Variants in RBM6 observed in about 807,000 individuals in gnomAD.
RBM6 encodes RNA-binding protein 6.
Under a neutral mutation model 140.4 loss-of-function variants are expected in RBM6, and 23 were observed. The ratio of observed to expected loss-of-function variants is 0.16; its 90% confidence interval spans 0.12 to 0.23. The LOEUF (loss-of-function observed/expected upper bound fraction) is 0.23. RBM6 is among the 10% of genes least tolerant of loss of function. The pLI, the probability that RBM6 is intolerant of heterozygous loss-of-function variation, is 1.00. For synonymous variants in RBM6, 439 were observed against 475.6 expected, an observed-to-expected ratio of 0.92 and a Z score of 1.00; for missense variants, 1,139 against 1,386.7, an observed-to-expected ratio of 0.82 and a Z score of 2.84.
chr3:49,969,961 G>T (rs1358814400), intron 3 of RBM6, among the ~76,000 whole-genome samples: 7 of 151,086 alleles, frequency 4.6e-5, no homozygotes, highest in Non-Finnish European at 1.0e-4. Flanking sequence ...TCTTTTTTGA[G>T]ATGGAGCCTC....
rs568755498 is a variant in RBM6, at chr3:50,048,389, G to C, written c.1632+70G>C. The C allele has an allele frequency of 2.1e-5, 33 of 1,561,440 alleles. No homozygotes were observed. In the African/African-American group the frequency reaches 3.7e-4, roughly 17 times the overall value. Reference sequence around the variant, plus strand: ...AACAGCTCCTCCATATCTCTAGGAAGGCTGCCTGCTAACATGCATTCCCAA... The same window carrying C: ...AACAGCTCCTCCATATCTCTAGGAACGCTGCCTGCTAACATGCATTCCCAA... On this transcript the variant is annotated intron_variant, in intron 7 of 20. Coordinates refer to ENST00000266022, the MANE Select transcript of RBM6 (RefSeq NM_005777.3).
At chr3:50,073,906 A>G (rs1004814179) in intron 19 of RBM6, among the ~76,000 whole-genome samples, 17 of 151,670 alleles carry the variant, frequency 1.1e-4, no homozygotes, top group Admixed American at 5.3e-4. Flanking sequence ...CTGGAGTGCA[A>G]TGGCACGATC....
rs548819191 is a variant in RBM6, at chr3:50,042,601, G to T, written c.1558-5644G>T. 2.0e-5 allele frequency among the ~76,000 whole-genome samples: 3 copies of T among 152,166 alleles called. No homozygotes were observed. The East Asian group carries it at 5.8e-4, about 29-fold the overall frequency. The stretch of plus-strand genomic sequence containing the variant: ...AATTTAAAAATTAGCTGGGCATGGT[G>T]GTGTGCACCTGTGGTCTCAGCTACT... On this transcript the variant is annotated intron_variant, in intron 6 of 20. Coordinates refer to ENST00000266022, the MANE Select transcript of RBM6 (RefSeq NM_005777.3).
chr3:49,963,769 A>G (rs1330883053), intron 2 of RBM6, among the ~76,000 whole-genome samples: 4 of 152,226 alleles, frequency 2.6e-5, no homozygotes, highest in Non-Finnish European at 4.4e-5. Flanking sequence ...TGTGTTTACA[A>G]TTAATGAGAT....
chr3:49,984,345 G>A (rs1319143128), intron 5 of RBM6, among the ~76,000 whole-genome samples: 2 of 152,058 alleles, frequency 1.3e-5, no homozygotes, highest in African/African-American at 2.4e-5. Context: ...GGTAGCTCAC[G>A]CCTATAATCC....
chr3:50,056,129 G>A (rs900673411), intron 8 of RBM6, among the ~76,000 whole-genome samples: 1 of 152,162 alleles, frequency 6.6e-6, no homozygotes, highest in Non-Finnish European at 1.5e-5. Flanking sequence ...TTAGGGGAAG[G>A]CTGTGTATGT....
chr3:50,010,582 T>A (rs1449220507), intron 6 of RBM6, among the ~76,000 whole-genome samples: 3 of 152,016 alleles, frequency 2.0e-5, no homozygotes, highest in South Asian at 2.1e-4. Context: ...ATCTCAATTT[T>A]AAAAAAAGTC....
chr3:49,965,902 G>C (rs954171460), intron 2 of RBM6, among the ~76,000 whole-genome samples: 2 of 152,110 alleles, frequency 1.3e-5, no homozygotes, highest in African/African-American at 4.8e-5. Flanking sequence ...GAGATGGGTG[G>C]CTCACCTGAG....
At chr3:50,061,053 G>T (rs1490753969) in intron 12 of RBM6, 55 bp downstream of exon 12, 1 of 1,605,776 alleles carries the variant, frequency 6.2e-7, no homozygotes, top group African/African-American at 1.3e-5. Context: ...GACTATAAGG[G>T]TGATCTTGAA....
chr3:50,001,570 A>G (rs2086329096), intron 6 of RBM6, among the ~76,000 whole-genome samples: 1 of 152,208 alleles, frequency 6.6e-6, no homozygotes, highest in South Asian at 2.1e-4. Context: ...TGCAAATACC[A>G]TGTGATTTTA....
chr3:50,008,585 G>A (rs1430895640), intron 6 of RBM6, among the ~76,000 whole-genome samples: 1 of 106,892 alleles, frequency 9.4e-6, no homozygotes, highest in African/African-American at 3.7e-5. Flanking sequence ...GACGGATCTT[G>A]CTCTGTTGTC....
intron 5 of RBM6, among the ~76,000 whole-genome samples, chr3:49,995,562 G>T (rs1358083152): frequency 6.7e-6 from 1 of 150,190 alleles, no homozygotes; most frequent in African/African-American, 2.4e-5. Context: ...AAAAAAAAAA[G>T]TATAAGGAGT....
intron 6 of RBM6, among the ~76,000 whole-genome samples, chr3:50,000,945 T>C (rs1202832899): frequency 2.0e-5 from 3 of 152,168 alleles, no homozygotes; most frequent in African/African-American, 7.2e-5. Flanking sequence ...GATGTATCCT[T>C]ATCTTGTTAG....
intron 1 of RBM6, among the ~76,000 whole-genome samples, chr3:49,958,283 C>A (rs1346909037): frequency 6.7e-6 from 1 of 148,458 alleles, no homozygotes; most frequent in African/African-American, 2.5e-5. Flanking sequence ...AGGCCGGGTG[C>A]GGTGGCTCAC....
chr3:50,034,700 G>T (rs2088405747), intron 6 of RBM6, among the ~76,000 whole-genome samples: 2 of 152,240 alleles, frequency 1.3e-5, no homozygotes, highest in Admixed American at 1.3e-4. Flanking sequence ...GGCGGAAGTT[G>T]CAGTGAGCCG....
chr3:49,974,637 G>T (rs1483700131), intron 4 of RBM6, among the ~76,000 whole-genome samples: 1 of 144,700 alleles, frequency 6.9e-6, no homozygotes, highest in Admixed American at 7.2e-5. Flanking sequence ...CTCCCAAAGT[G>T]CTGGGATTAC....
intron 6 of RBM6, among the ~76,000 whole-genome samples, chr3:50,026,628 GTC>G (rs2087839672): frequency 6.8e-6 from 1 of 146,136 alleles, no homozygotes; most frequent in African/African-American, 2.5e-5. Flanking sequence ...CCAAGACTCT[GTC>G]TCTCAAAAAA....
At chr3:49,957,129 A>G (rs553842142) in intron 1 of RBM6, among the ~76,000 whole-genome samples, 1 of 152,118 alleles carries the variant, frequency 6.6e-6, no homozygotes, top group South Asian at 2.1e-4. Context: ...AAGTGCAGAC[A>G]TGTGCCACCT....
chr3:49,960,530 G>A (rs2624843), intron 1 of RBM6, among the ~76,000 whole-genome samples: 71,403 of 151,916 alleles, frequency 0.47, 17,429 homozygotes, highest in Non-Finnish European at 0.51. Context: ...TTTAATTTTG[G>A]TGAAGTCCCT....
Sources: allele counts gnomAD v4.1 joint callset (sites outside exome capture counted in the v4.1 genomes callset), GRCh38; gene constraint gnomAD v4.1.1; transcripts MANE v1.5; gene names NCBI Gene and HGNC (gene_info 2026-07-23, HGNC 2026-07-21).